Variants in CFAP58 observed in about 807,000 individuals in gnomAD.
CFAP58 encodes the protein cilia- and flagella-associated protein 58.
Under a neutral mutation model 119.5 loss-of-function variants are expected in CFAP58, and 88 were observed. The observed-to-expected ratio is 0.74, with a 90% CI of 0.62 to 0.88. CFAP58 has a LOEUF of 0.88. Among genes scored for constraint, CFAP58 ranks in the 40% least tolerant of loss-of-function variants. CFAP58 has a pLI of 0.00. For missense variants in CFAP58, 990 were observed against 1,021.2 expected, an observed-to-expected ratio of 0.97 and a Z score of 0.42; for synonymous variants, 365 against 366.3, an observed-to-expected ratio of 1.00 and a Z score of 0.04.
intron 9 of CFAP58, among the ~76,000 whole-genome samples, chr10:104,385,678 G>A (rs954689635): frequency 6.6e-6 from 1 of 152,090 alleles, no homozygotes; most frequent in Non-Finnish European, 1.5e-5. Context: ...GAAGATAAGA[G>A]AGAAGAGGGC....
chr10:104,368,240 G>A (rs1433794492), intron 5 of CFAP58, among the ~76,000 whole-genome samples, 183 bp from the exon 6 acceptor site: 2 of 152,170 alleles, frequency 1.3e-5, no homozygotes, highest in African/African-American at 4.8e-5. Context: ...TTCCTCAACC[G>A]TTTAACATTC....
At chr10:104,362,284 C>G (rs953979358) in intron 3 of CFAP58, 113 bp downstream of exon 3, 2 of 863,832 alleles carry the variant, frequency 2.3e-6, no homozygotes, top group African/African-American at 1.7e-5. Context: ...ATACAAGACT[C>G]TTCTTTATTG....
At chr10:104,386,101 G>A (rs368298665) in intron 9 of CFAP58, among the ~76,000 whole-genome samples, 2 of 150,982 alleles carry the variant, frequency 1.3e-5, no homozygotes, top group East Asian at 3.9e-4. Flanking sequence ...GGATGGGCTG[G>A]GCATGGTGGC....
chr10:104,400,366 C>T (rs1299594981), intron 12 of CFAP58, among the ~76,000 whole-genome samples: 3 of 152,120 alleles, frequency 2.0e-5, no homozygotes, highest in Non-Finnish European at 4.4e-5. Flanking sequence ...AGGCTGCTCG[C>T]GAACTCCTGG....
intron 15 of CFAP58, among the ~76,000 whole-genome samples, chr10:104,419,287 C>G (rs1382792119): frequency 6.6e-6 from 1 of 152,096 alleles, no homozygotes; most frequent in East Asian, 1.9e-4. Context: ...CCAAGACAGC[C>G]TGAGTATGAA....
chr10:104,400,621 A>G lies in CFAP58; in HGVS notation c.1816-59A>G. 2.2e-6 allele frequency: 3 copies of G among 1,357,964 alleles called. No individual in the cohort carries two copies. The South Asian group carries it at 3.5e-5, about 16-fold the overall frequency. The allele number at this position is 1,357,964 out of a possible 1,614,324, so 84.1% of individuals were successfully genotyped here. A position where few individuals can be genotyped will look rare whatever the true frequency, so the allele number is the denominator to read the frequency against. On this transcript the variant is annotated intron_variant, in intron 12 of 17. Transcript: ENST00000369704. ...TACTCATTGAATGAATGGTGCTGTC[A>G]CAGTGAAAAGCTAAGGCTCCTCCTT...
intron 9 of CFAP58, 60 bp from the exon 10 acceptor site, chr10:104,392,173 C>G: frequency 9.4e-6 from 14 of 1,484,058 alleles, no homozygotes; most frequent in Non-Finnish European, 1.3e-5. Context: ...TCCATTTGTC[C>G]TGAACCAATA....
chr10:104,364,962 C>A, intron 4 of CFAP58, 73 bp downstream of exon 4: 1 of 1,471,556 alleles, frequency 6.8e-7, no homozygotes, highest in East Asian at 2.4e-5. Flanking sequence ...TCTCTATTCC[C>A]ATCTTGCTCC....
At chr10:104,393,756 T>C (rs2012100140) in intron 11 of CFAP58, among the ~76,000 whole-genome samples, 1 of 152,172 alleles carries the variant, frequency 6.6e-6, no homozygotes, top group African/African-American at 2.4e-5. Context: ...CATACATCAG[T>C]GGGAGAGAAC....
chr10:104,439,329 G>T (rs2012995014), intron 15 of CFAP58, among the ~76,000 whole-genome samples: 2 of 152,202 alleles, frequency 1.3e-5, no homozygotes, highest in East Asian at 3.9e-4. Context: ...AAGAAAATGT[G>T]CACTATAGTA....
At chr10:104,339,465 C>T in the CFAP58 span, among the ~76,000 whole-genome samples, 1 of 152,216 alleles carries the variant, frequency 6.6e-6, no homozygotes, top group Non-Finnish European at 1.5e-5. Flanking sequence ...AAAGGCAGAG[C>T]AGGGTTTGAA....
intron 15 of CFAP58, among the ~76,000 whole-genome samples, chr10:104,440,886 C>T (rs2013026321): frequency 6.6e-6 from 1 of 152,134 alleles, no homozygotes. Flanking sequence ...TTGAACTTAC[C>T]TACACATGCA....
At chr10:104,424,731 T>C (rs1346971460) in intron 15 of CFAP58, among the ~76,000 whole-genome samples, 3 of 152,158 alleles carry the variant, frequency 2.0e-5, no homozygotes, top group African/African-American at 7.2e-5. Context: ...GAGTGCCTAA[T>C]TATGCAGTAG....
chr10:104,365,966 G>A lies in CFAP58; in HGVS notation c.750G>A (p.Lys250=), dbSNP rs1177631792. The A allele has an allele frequency of 6.8e-6, 11 of 1,609,036 alleles. No homozygotes were observed. The highest frequency in any genetic ancestry group is 8.5e-6 in the Non-Finnish European group (10 of 1,177,608). The change falls in exon 5 of 18, where the codon AAG becomes AAA. Residue 250 remains lysine (K), a synonymous_variant. Transcript: ENST00000369704. ...TGCAGCAGTATGTGCAGAAGAGCAA[G>A]GAGGAGCTTCAGAAGCTGGAGCAGC... The part of the protein sequence containing the change: ...KALQQYVQKS[K]EELQKLEQQL...
At chr10:104,376,923 A>G (rs763241259) in intron 8 of CFAP58, 30 bp downstream of exon 8, 2 of 1,542,596 alleles carry the variant, frequency 1.3e-6, no homozygotes, top group Admixed American at 3.4e-5. Context: ...ACTGGTAAAT[A>G]AATGTCTTTC....
At chr10:104,389,485 T>C (rs1364332921) in intron 9 of CFAP58, among the ~76,000 whole-genome samples, 1 of 152,240 alleles carries the variant, frequency 6.6e-6, no homozygotes, top group African/African-American at 2.4e-5. Flanking sequence ...TTTTCCTTTC[T>C]CTAACGTGCT....
chr10:104,399,218 T>G, intron 11 of CFAP58, 142 bp from the exon 12 acceptor site: 1 of 753,430 alleles, frequency 1.3e-6, no homozygotes, highest in South Asian at 1.9e-5. Context: ...CTTGTTTTGC[T>G]TGTGAGAGTG....
intron 17 of CFAP58, among the ~76,000 whole-genome samples, chr10:104,450,972 C>T (rs2013186841): frequency 7.4e-6 from 1 of 134,450 alleles, no homozygotes; most frequent in African/African-American, 3.1e-5. Context: ...GTGAGGTTAA[C>T]ATTTTGGTTT....
intron 15 of CFAP58, among the ~76,000 whole-genome samples, chr10:104,425,905 G>A (rs1021790890): frequency 2.0e-5 from 3 of 152,136 alleles, no homozygotes; most frequent in Non-Finnish European, 2.9e-5. Context: ...GACAGGCTCT[G>A]GGGAGGAGAA....
Sources: gnomAD v4.1 joint callset for allele counts (sites outside exome capture counted in the v4.1 genomes callset) on GRCh38, gnomAD v4.1.1 for gene constraint, MANE v1.5 for transcripts, NCBI Gene and HGNC (gene_info 2026-07-23, HGNC 2026-07-21) for gene names.